Variants in BABAM2 observed in about 807,000 individuals in gnomAD.
The protein encoded by BABAM2 is BRISC and BRCA1-A complex member 2.
BABAM2 carries 31 observed loss-of-function variants against 54.7 expected under a neutral mutation model. The ratio of observed to expected loss-of-function variants is 0.57; its 90% CI spans 0.43 to 0.77. The LOEUF (loss-of-function observed/expected upper bound fraction) is 0.77. BABAM2 is among the 30% of genes least tolerant of loss of function. The pLI is 0.00. For synonymous variants in BABAM2, 167 were observed against 162.9 expected (o/e 1.03, Z -0.19); for missense variants, 364 against 455.8 (o/e 0.80, Z 1.83).
chr2:28,062,740 G>A (rs142821824), intron 6 of BABAM2, among the ~76,000 whole-genome samples: 9 of 152,266 alleles, frequency 5.9e-5, no homozygotes, highest in Middle Eastern at 3.4e-3. Context: ...CTTCTTATAA[G>A]CTTCCAGCAT....
At chr2:28,142,297 G>T (rs561534705) in intron 7 of BABAM2, among the ~76,000 whole-genome samples, 11 of 152,034 alleles carry the variant, frequency 7.2e-5, no homozygotes, top group Non-Finnish European at 1.0e-4. Context: ...CAAATGATGG[G>T]TTAACATAAT....
intron 8 of BABAM2, among the ~76,000 whole-genome samples, chr2:28,240,513 G>A (rs1055680853): frequency 2.0e-5 from 3 of 152,096 alleles, no homozygotes; most frequent in African/African-American, 7.2e-5. Flanking sequence ...ATTTATTATA[G>A]ATTTAGAAAC....
chr2:28,211,686 G>A (rs911346007), intron 7 of BABAM2, among the ~76,000 whole-genome samples: 4 of 152,076 alleles, frequency 2.6e-5, no homozygotes, highest in African/African-American at 9.7e-5. Flanking sequence ...ATTGTGCCCG[G>A]ACTCTGCCTT....
intron 7 of BABAM2, among the ~76,000 whole-genome samples, chr2:28,226,915 G>A (rs1483908975): frequency 6.6e-6 from 1 of 152,142 alleles, no homozygotes. Flanking sequence ...AGTCAGCAAT[G>A]ACAGAGGTTT....
intron 6 of BABAM2, among the ~76,000 whole-genome samples, chr2:28,081,120 T>C (rs1304714490): frequency 1.3e-5 from 2 of 152,156 alleles, no homozygotes; most frequent in African/African-American, 4.8e-5. Flanking sequence ...TTCCTATAGC[T>C]GGGGAGAGGA....
chr2:27,950,590 G>T (rs1669635792), intron 3 of BABAM2, among the ~76,000 whole-genome samples: 2 of 152,102 alleles, frequency 1.3e-5, no homozygotes, highest in South Asian at 4.1e-4. Context: ...ATTCATGAAT[G>T]ATATTGGTTT....
At chr2:28,271,518 T>C (rs892430353) in intron 10 of BABAM2, among the ~76,000 whole-genome samples, 2 of 152,200 alleles carry the variant, frequency 1.3e-5, no homozygotes, top group Non-Finnish European at 2.9e-5. Context: ...GAAAGAAATT[T>C]TGAGAGCTCT....
chr2:28,279,414 A>C (rs1008080467), intron 10 of BABAM2, among the ~76,000 whole-genome samples: 2 of 152,168 alleles, frequency 1.3e-5, no homozygotes, highest in Non-Finnish European at 2.9e-5. Context: ...ATGGCACAGT[A>C]TGAAACAAAA....
At chr2:28,108,651 A>C (rs1033958174) in intron 6 of BABAM2, among the ~76,000 whole-genome samples, 9 of 152,174 alleles carry the variant, frequency 5.9e-5, no homozygotes, top group African/African-American at 1.7e-4. Flanking sequence ...TCATTTAGGG[A>C]GCTATTAATA....
chr2:28,063,154 C>G (rs1056523835), intron 6 of BABAM2, among the ~76,000 whole-genome samples: 2 of 152,142 alleles, frequency 1.3e-5, no homozygotes, highest in African/African-American at 4.8e-5. Flanking sequence ...AGGACATTTA[C>G]AAACTTAAGT....
At chr2:28,321,573 G>C (rs76344533) in intron 11 of BABAM2, among the ~76,000 whole-genome samples, 2 of 152,210 alleles carry the variant, frequency 1.3e-5, no homozygotes, top group South Asian at 4.1e-4. Flanking sequence ...TTCATACTGC[G>C]CAGGTTTTAG....
intron 10 of BABAM2, among the ~76,000 whole-genome samples, chr2:28,276,703 G>T (rs951123779): frequency 2.0e-5 from 3 of 152,090 alleles, no homozygotes; most frequent in African/African-American, 4.8e-5. Flanking sequence ...CCAAATACAT[G>T]TACATATATG....
chr2:28,333,217 G>C, intron 11 of BABAM2, among the ~76,000 whole-genome samples: 1 of 152,114 alleles, frequency 6.6e-6, no homozygotes, highest in Non-Finnish European at 1.5e-5. Flanking sequence ...AGTTACTCCC[G>C]CCTTTTAGAT....
chr2:28,031,411 AG>A (rs2148581660), intron 5 of BABAM2, among the ~76,000 whole-genome samples: 1 of 152,304 alleles, frequency 6.6e-6, no homozygotes, highest in African/African-American at 2.4e-5. Context: ...TTGAAAAGAT[AG>A]CTATTGTGCA....
chr2:28,026,648 G>A (rs1461039410), intron 5 of BABAM2, among the ~76,000 whole-genome samples: 1 of 146,828 alleles, frequency 6.8e-6, no homozygotes, highest in Non-Finnish European at 1.5e-5. Context: ...GGGTTGATGG[G>A]TGCAGCAAAC....
chr2:28,247,116 C>G (rs1178566082), intron 10 of BABAM2, among the ~76,000 whole-genome samples: 1 of 152,160 alleles, frequency 6.6e-6, no homozygotes, highest in African/African-American at 2.4e-5. Context: ...AACAGCTACC[C>G]GGGACCTTGG....
At chr2:28,089,971 A>G (rs9653590) in intron 6 of BABAM2, among the ~76,000 whole-genome samples, 27,085 of 151,770 alleles carry the variant, frequency 0.18, 2,908 homozygotes, top group Non-Finnish European at 0.25. Context: ...TATTATTTAT[A>G]TTACTATTAT....
At chr2:28,019,633 T>C (rs1425109496) in intron 4 of BABAM2, among the ~76,000 whole-genome samples, 1 of 152,198 alleles carries the variant, frequency 6.6e-6, no homozygotes, top group Non-Finnish European at 1.5e-5. Flanking sequence ...TCAGGTCTTA[T>C]ATTTAAGTCT....
At chr2:28,308,214 G>A (rs918431793) in intron 11 of BABAM2, 11 of 322,534 alleles carry the variant, frequency 3.4e-5, no homozygotes, top group African/African-American at 1.3e-4. Flanking sequence ...AAGCCAAAGC[G>A]AATGCTTTGA....
Sources: allele counts gnomAD v4.1 joint callset (sites outside exome capture counted in the v4.1 genomes callset), GRCh38; gene constraint gnomAD v4.1.1; transcripts MANE v1.5; gene names NCBI Gene and HGNC (gene_info 2026-07-23, HGNC 2026-07-21).